LDLRAD2: variants seen among roughly 807,000 people sequenced by gnomAD.
The protein encoded by LDLRAD2 is low-density lipoprotein receptor class A domain-containing protein 2.
In LDLRAD2, 25 loss-of-function variants were observed where a neutral mutation model predicts 24.9. The observed-to-expected ratio is 1.00, with a 90% CI of 0.73 to 1.40. The LOEUF (loss-of-function observed/expected upper bound fraction) is 1.40, where lower values mean the gene tolerates loss of function less well. Among genes scored for constraint, LDLRAD2 ranks in the 40% most tolerant of loss-of-function variants. LDLRAD2 has a pLI of 0.00. For missense variants in LDLRAD2, 391 were observed against 366.2 expected, an observed-to-expected ratio of 1.07 and a Z score of -0.55; for synonymous variants, 182 against 166.7, an observed-to-expected ratio of 1.09 and a Z score of -0.71.
intron 3 of LDLRAD2, among the ~76,000 whole-genome samples, chr1:21,821,100 G>T (rs1384803587): frequency 6.6e-6 from 1 of 152,174 alleles, no homozygotes; most frequent in Non-Finnish European, 1.5e-5. Flanking sequence ...GGGAGGCTGA[G>T]GTAGGAGGAT....
intron 1 of LDLRAD2, among the ~76,000 whole-genome samples, chr1:21,814,119 C>T (rs2097941288): frequency 6.6e-6 from 1 of 152,222 alleles, no homozygotes; most frequent in Non-Finnish European, 1.5e-5. Flanking sequence ...GATCCACCTG[C>T]CTTGGCCTCC....
chr1:21,818,880 C>T (rs1430927911), intron 3 of LDLRAD2, among the ~76,000 whole-genome samples: 1 of 132,666 alleles, frequency 7.5e-6, no homozygotes, highest in African/African-American at 2.7e-5. Flanking sequence ...GCCCCCCGCC[C>T]CACCCCTCCC....
At chr1:21,817,690 C>T (rs2152678186) in intron 3 of LDLRAD2, among the ~76,000 whole-genome samples, 1 of 152,124 alleles carries the variant, frequency 6.6e-6, no homozygotes, top group Non-Finnish European at 1.5e-5. Flanking sequence ...CTCATATACC[C>T]AGCACTCAGT....
At chr1:21,818,986 C>T (rs1301640170) in intron 3 of LDLRAD2, among the ~76,000 whole-genome samples, 4 of 150,154 alleles carry the variant, frequency 2.7e-5, no homozygotes, top group African/African-American at 7.3e-5. Context: ...GTGTCCTCTA[C>T]CAGAAGACTT....
At chr1:21,821,794 C>T (rs1194263596) in intron 4 of LDLRAD2, 183 bp downstream of exon 4, 4 of 1,436,506 alleles carry the variant, frequency 2.8e-6, no homozygotes, top group Non-Finnish European at 3.6e-6. Flanking sequence ...TCCTGGGCCT[C>T]CTCTGGTGCT....
chr1:21,819,877 C>T (rs1157742377), intron 3 of LDLRAD2, among the ~76,000 whole-genome samples: 1 of 152,204 alleles, frequency 6.6e-6, no homozygotes, highest in Non-Finnish European at 1.5e-5. Context: ...ATCTGCTCAG[C>T]TTCAGGGGAT....
chr1:21,815,880 A>G, intron 2 of LDLRAD2, 63 bp from the exon 3 acceptor site: 4 of 1,588,088 alleles, frequency 2.5e-6, no homozygotes, highest in Non-Finnish European at 3.4e-6. Context: ...TGGGGGCCAC[A>G]CATCCTGCTG....
intron 4 of LDLRAD2, 59 bp downstream of exon 4, chr1:21,821,670 G>A (rs2097952110): frequency 6.3e-7 from 1 of 1,595,414 alleles, no homozygotes; most frequent in Non-Finnish European, 8.6e-7. Flanking sequence ...CTAGGTGATG[G>A]GGACGGGGCA....
Position 21,824,531 on chromosome 1 carries a change from A to C in LDLRAD2, c.*2316A>C. The C allele has an allele frequency of 6.2e-7, 1 of 1,612,564 alleles. No homozygotes were observed. Among genetic ancestry groups the C allele is most frequent in the Non-Finnish European group, 8.5e-7 (1 of 1,179,818 alleles). On this transcript the variant is annotated 3_prime_UTR_variant, in exon 5 of 5. Coordinates refer to ENST00000344642, the MANE Select transcript of LDLRAD2 (RefSeq NM_001013693.3). The surrounding 1 kb of genome is among the most constrained non-coding windows in gnomAD (Gnocchi z 5.9). ...CCCAAGAGCCCAGCCGGATACCCACACTCACCACACCCTGCCAGAGCAGGA... is the reference window on the plus strand; with the variant it reads ...CCCAAGAGCCCAGCCGGATACCCACCCTCACCACACCCTGCCAGAGCAGGA...
Position 21,822,291 on chromosome 1 carries a change from A to T in LDLRAD2, c.*76A>T, listed in dbSNP as rs2097953707. The T allele has an allele frequency of 1.6e-5, 23 of 1,481,466 alleles. 1 individual carries two copies. The South Asian group carries it at 1.8e-4, about 12-fold the overall frequency. The allele number at this position is 1,481,466 out of a possible 1,614,324, so 91.8% of individuals were successfully genotyped here. ...TAAGAAAAATCAAGACAAAGACCAC[A>T]GGAGGGTCCCTTCTAGGACACAGAG... On this transcript the variant is annotated 3_prime_UTR_variant, in exon 5 of 5. Coordinates refer to ENST00000344642, the MANE Select transcript of LDLRAD2 (RefSeq NM_001013693.3).
rs1460738028 is a variant in LDLRAD2, at chr1:21,824,782, G to A, written c.*2567G>A. ...GGCTCCGTACTGCCCAGGGGCATCT[G>A]TGGGAGAGAGGAGGGTGGTGCCATA... is the stretch of plus-strand genomic sequence containing the variant. On this transcript the variant is annotated 3_prime_UTR_variant, in exon 5 of 5. Transcript: ENST00000344642. This position sits in a 1 kb window ranked among gnomAD's most constrained non-coding sequence, Gnocchi z 5.9. The A allele has an allele frequency of 6.2e-7, 1 of 1,611,018 alleles. No individual in the cohort carries two copies. The highest frequency in any genetic ancestry group is 8.5e-7 in the Non-Finnish European group (1 of 1,178,730).
intron 2 of LDLRAD2, 51 bp from the exon 3 acceptor site, chr1:21,815,892 G>A: frequency 6.2e-7 from 1 of 1,605,544 alleles, no homozygotes; most frequent in Non-Finnish European, 8.5e-7. Context: ...ATCCTGCTGT[G>A]TCGTGGGCTG....
At position 21,822,333 on chromosome 1, in the gene LDLRAD2, C is replaced by G; in HGVS notation, c.*118C>G. 9.6e-7 allele frequency: 1 copy of G among 1,036,464 alleles called. No homozygotes were observed. Among genetic ancestry groups the G allele is most frequent in the Non-Finnish European group, 1.5e-6 (1 of 674,514 alleles). 64.2% of individuals were successfully genotyped at this position (1,036,464 alleles called of 1,614,324 possible). A position where few individuals can be genotyped will look rare whatever the true frequency, so the allele number is the denominator to read the frequency against. On this transcript the variant is annotated 3_prime_UTR_variant, in exon 5 of 5. Transcript: ENST00000344642. ...GACACAGAGGCCAGGCGTCCCAACC[C>G]CACAGTCTGGGGGCCACTGGCAGGA...
At chr1:21,819,941 A>T (rs549347558) in intron 3 of LDLRAD2, among the ~76,000 whole-genome samples, 1 of 152,304 alleles carries the variant, frequency 6.6e-6, no homozygotes, top group South Asian at 2.1e-4. Context: ...GCACAGCCAG[A>T]GTAGGAGCAA....
At position 21,822,231 on chromosome 1, in the gene LDLRAD2, C is replaced by T; in HGVS notation, c.*16C>T. The T allele has an allele frequency of 6.2e-7, 1 of 1,611,876 alleles. No individual in the cohort carries two copies. The highest frequency in any genetic ancestry group is 2.2e-5 in the East Asian group (1 of 44,876). On this transcript the variant is annotated 3_prime_UTR_variant, in exon 5 of 5. Coordinates refer to ENST00000344642, the MANE Select transcript of LDLRAD2 (RefSeq NM_001013693.3). ...CACTGAGTGAAGCCCTCATCAAAGACTCAGGAGGCCCCTGGCGGGGATAGC... is the reference window on the plus strand; with the variant it reads ...CACTGAGTGAAGCCCTCATCAAAGATTCAGGAGGCCCCTGGCGGGGATAGC...
chr1:21,813,390 GA>G (rs2097940505), intron 1 of LDLRAD2, among the ~76,000 whole-genome samples: 1 of 152,170 alleles, frequency 6.6e-6, no homozygotes, highest in South Asian at 2.1e-4. Flanking sequence ...CTTTAGCAGA[GA>G]AATACCAAAT....
chr1:21,824,342 A>G lies in LDLRAD2; in HGVS notation c.*2127A>G. 1 of 1,613,882 alleles carries G rather than the reference A, an allele frequency of 6.2e-7. No individual in the cohort carries two copies. The highest frequency in any genetic ancestry group is 8.5e-7 in the Non-Finnish European group (1 of 1,180,014). On this transcript the variant is annotated 3_prime_UTR_variant, in exon 5 of 5. Coordinates refer to ENST00000344642, the MANE Select transcript of LDLRAD2 (RefSeq NM_001013693.3). The surrounding 1 kb of genome is among the most constrained non-coding windows in gnomAD (Gnocchi z 5.9). ...GTGCCCGTCTTGAAGCCCGAGGCTG[A>G]TGAAGTCCTTGCCTTGGCCGGCCTC...
chr1:21,812,442 C>T lies in LDLRAD2; in HGVS notation c.-10C>T. 6.2e-7 allele frequency: 1 copy of T among 1,612,822 alleles called. No homozygotes were observed. The highest frequency in any genetic ancestry group is 8.5e-7 in the Non-Finnish European group (1 of 1,178,902). On this transcript the variant is annotated 5_prime_UTR_variant, in exon 1 of 5. Transcript: ENST00000344642. Reference sequence around the variant, plus strand: ...GGGTCTGCCCCATTGCTGGGCACAGCAGAGCCTGGATGGAGGCTTGTTGTC... The same window carrying T: ...GGGTCTGCCCCATTGCTGGGCACAGTAGAGCCTGGATGGAGGCTTGTTGTC...
At chr1:21,819,585 T>C (rs1249504593) in intron 3 of LDLRAD2, among the ~76,000 whole-genome samples, 1 of 118,942 alleles carries the variant, frequency 8.4e-6, no homozygotes, top group African/African-American at 3.3e-5. Flanking sequence ...ATTAGAATAG[T>C]CAAAATCACA....
Sources: gnomAD v4.1 joint callset for allele counts (sites outside exome capture counted in the v4.1 genomes callset) on GRCh38, gnomAD v4.1.1 for gene constraint, Gnocchi (gnomAD v3.1) non-coding constraint, MANE v1.5 for transcripts, NCBI Gene and HGNC (gene_info 2026-07-23, HGNC 2026-07-21) for gene names.